Variants in SCG2 observed in about 807,000 individuals in gnomAD.
The protein encoded by SCG2 is secretogranin-2.
Under a neutral mutation model 49.5 loss-of-function variants are expected in SCG2, and 23 were observed. The observed-to-expected ratio is 0.46, with a 90% confidence interval of 0.33 to 0.66. SCG2 has a LOEUF of 0.66. Ranked by LOEUF, SCG2 falls within the 30% of genes least tolerant of loss-of-function variation. SCG2 has a pLI of 0.01. For synonymous variants in SCG2, 288 were observed against 260.4 expected (o/e 1.11, Z -1.02); for missense variants, 730 against 728.2 (o/e 1.00, Z -0.03).
rs754821461 is a variant in SCG2 at position 223,598,710 on chromosome 2, A to G, written c.573T>C (p.Thr191=). ...RTNEIVEEQY[T]PQSLATLESV... is the part of the protein sequence containing the mutation. ...ATTCCAATGTAGCAAGGCTTTGAGG[A>G]GTATATTGTTCCTCCACTATTTCAT... The change falls in exon 2 of 2, where the codon ACT becomes ACC. Residue 191 remains threonine, a synonymous_variant. Coordinates refer to ENST00000305409, the MANE Select transcript of SCG2 (RefSeq NM_003469.5). 10 of 1,613,742 alleles carry G rather than the reference A, an allele frequency of 6.2e-6. No homozygotes were observed. The highest frequency in any genetic ancestry group is 8.5e-6 in the Non-Finnish European group (10 of 1,180,004).
At position 223,598,883 on chromosome 2, in the gene SCG2, G is replaced by T; in HGVS notation, c.400C>A (p.Pro134Thr). 6.2e-7 allele frequency: 1 copy of T among 1,614,134 alleles called. No homozygotes were observed. Among genetic ancestry groups the T allele is most frequent in the Non-Finnish European group, 8.5e-7 (1 of 1,180,022 alleles). Residue 134 changes from proline to threonine, a missense_variant, in exon 2 of 2, where the codon CCC (proline) becomes ACC (threonine). Coordinates refer to ENST00000305409, the MANE Select transcript of SCG2 (RefSeq NM_003469.5). The stretch of plus-strand genomic sequence containing the variant: ...TTCTTTTCTGAATTCAAGGCATAGG[G>T]CTTATTTTCTTTTGGTGCAGACTGA... ...EPQSAPKENK[P>T]YALNSEKNFP... is the part of the protein sequence containing the mutation.
At position 223,598,897 on chromosome 2, in the gene SCG2, G is replaced by C; in HGVS notation, c.386C>G (p.Pro129Arg). The change falls in exon 2 of 2, where the codon CCA becomes CGA. Residue 129 changes from proline to arginine, a missense_variant. By Grantham distance (103) the Pro-to-Arg change is moderately radical. Coordinates refer to ENST00000305409, the MANE Select transcript of SCG2 (RefSeq NM_003469.5). Reference sequence around the variant, plus strand: ...CAAGGCATAGGGCTTATTTTCTTTTGGTGCAGACTGAGGCTCATTTTCAGC... The same window carrying C: ...CAAGGCATAGGGCTTATTTTCTTTTCGTGCAGACTGAGGCTCATTTTCAGC... ...RQAENEPQSA[P>R]KENKPYALNS... 2 of 1,614,072 alleles carry C rather than the reference G, an allele frequency of 1.2e-6. No individual in the cohort carries two copies. Among genetic ancestry groups the C allele is most frequent in the Non-Finnish European group, 1.7e-6 (2 of 1,180,012 alleles).
In SCG2 at chr2:223,598,982, C is replaced by T. The variant is rs137998511; in HGVS notation, c.301G>A (p.Glu101Lys). The change falls in exon 2 of 2, where the codon GAG becomes AAG. Residue 101 changes from glutamate (E) to lysine (K), a missense_variant. Glu to Lys is a moderately conservative substitution (Grantham distance 56, BLOSUM62 1). Coordinates refer to ENST00000305409, the MANE Select transcript of SCG2 (RefSeq NM_003469.5). ...KENGDESHLP[E>K]RDSLSEEDWM... ...TCTTCTTCACTCAGTGAATCCCTCTCGGGCAAGTGGCTTTCATCGCCATTT... is the reference window on the plus strand; with the variant it reads ...TCTTCTTCACTCAGTGAATCCCTCTTGGGCAAGTGGCTTTCATCGCCATTT... The T allele has an allele frequency of 1.4e-4, 223 of 1,614,174 alleles. No homozygotes were observed. In the African/African-American group the frequency reaches 1.4e-3, roughly 10 times the overall value.
chr2:223,599,368 A>G, intron 1 of SCG2, 72 bp from the exon 2 acceptor site: 1 of 1,280,328 alleles, frequency 7.8e-7, no homozygotes, highest in South Asian at 1.9e-5. Context: ...GAAATAATTG[A>G]TCATTGAGGT....
Position 223,597,849 on chromosome 2 carries a change from A to T in SCG2, c.1434T>A (p.Leu478=), listed in dbSNP as rs1003367778. 1 of 1,614,232 alleles carries T rather than the reference A, an allele frequency of 6.2e-7. No individual in the cohort carries two copies. Among genetic ancestry groups the T allele is most frequent in the African/African-American group, 1.3e-5 (1 of 75,056 alleles). The change falls in exon 2 of 2, where the codon CTT becomes CTA. Residue 478 remains leucine, a synonymous_variant. Transcript: ENST00000305409. ...YGAGRSRSNQ[L]PKAAWIPHVE... Reference sequence around the variant, plus strand: ...CATGTGGAATCCAGGCAGCTTTGGGAAGCTGGTTCGATCTAGATCTTCCAG... The same window carrying T: ...CATGTGGAATCCAGGCAGCTTTGGGTAGCTGGTTCGATCTAGATCTTCCAG...
At position 223,598,006 on chromosome 2, in the gene SCG2, GCCTCAGTCC is replaced by G; in HGVS notation, c.1268_1276del (p.Gly423_Glu425del). 1 of 1,613,792 alleles carries G rather than the reference GCCTCAGTCC, an allele frequency of 6.2e-7. No individual in the cohort carries two copies. The highest frequency in any genetic ancestry group is 8.5e-7 in the Non-Finnish European group (1 of 1,179,864). On this transcript the variant is annotated inframe_deletion, in exon 2 of 2. Transcript: ENST00000305409. ...CTCAACACTGAGCCCGTCTGGTAGGGCCTCAGTCCCAGCACGACCAGGTGTTTTAGGGTA... is the reference window on the plus strand; with the variant it reads ...CTCAACACTGAGCCCGTCTGGTAGGGCAGCACGACCAGGTGTTTTAGGGTA...
At position 223,598,509 on chromosome 2, in the gene SCG2, C is replaced by G. The variant is rs529796847; in HGVS notation, c.774G>C (p.Glu258Asp). 1.2e-6 allele frequency: 2 copies of G among 1,613,986 alleles called. No homozygotes were observed. The highest frequency in any genetic ancestry group is 2.2e-5 in the East Asian group (1 of 44,872). ...EDWNPVEEKI[E>D]SQTQEEVRDS... is the part of the protein sequence containing the mutation. ...CTCTCACCTCTTCCTGGGTTTGACT[C>G]TCTATTTTCTCCTCTACTGGGTTCC... Residue 258 changes from glutamate (E) to aspartate (D), a missense_variant, in exon 2 of 2, where the codon GAG becomes GAC. Transcript: ENST00000305409.
intron 1 of SCG2, among the ~76,000 whole-genome samples, chr2:223,601,814 C>T (rs1343841650): frequency 6.6e-6 from 1 of 152,086 alleles, no homozygotes; most frequent in East Asian, 1.9e-4. Context: ...AGAAAAAAAA[C>T]CTAGTTCCAA....
rs956505646 is a variant in SCG2, at chr2:223,598,201, G to A, written c.1082C>T (p.Pro361Leu). 6.2e-7 allele frequency: 1 copy of A among 1,613,988 alleles called. No individual in the cohort carries two copies. Among genetic ancestry groups the A allele is most frequent in the African/African-American group, 1.3e-5 (1 of 74,904 alleles). Reference protein sequence around the residue: ...LIEISRNLQIPPEDLIEMLKT... With the variant: ...LIEISRNLQILPEDLIEMLKT... ...GAGCATCTCAATTAAGTCTTCTGGGGGTATCTGTAAATTCCTTGAGATTTC... is the reference window on the plus strand; with the variant it reads ...GAGCATCTCAATTAAGTCTTCTGGGAGTATCTGTAAATTCCTTGAGATTTC... The change falls in exon 2 of 2, where the codon CCC becomes CTC. Residue 361 changes from proline to leucine, a missense_variant. Pro to Leu is a moderately conservative substitution (Grantham distance 98). Coordinates refer to ENST00000305409, the MANE Select transcript of SCG2 (RefSeq NM_003469.5).
intron 1 of SCG2, among the ~76,000 whole-genome samples, chr2:223,599,665 T>C (rs960560522): frequency 4.6e-5 from 7 of 152,230 alleles, no homozygotes; most frequent in African/African-American, 1.7e-4. Context: ...CCAAGATGTT[T>C]TAATTATTTT....
rs572242890 is a variant in SCG2, at chr2:223,597,443, T to C, written c.1840A>G (p.Met614Val). 1.3e-6 allele frequency: 2 copies of C among 1,597,546 alleles called. No homozygotes were observed. Among genetic ancestry groups the C allele is most frequent in the Non-Finnish European group, 1.7e-6 (2 of 1,171,630 alleles). The change falls in exon 2 of 2, where the codon ATG becomes GTG. Residue 614 changes from methionine to valine, a missense_variant. Coordinates refer to ENST00000305409, the MANE Select transcript of SCG2 (RefSeq NM_003469.5). ...KGREHIAKRA[M>V]ENM ...ATGAAAGCAGCTTACATATTTTCCA[T>C]TGCTCTCTTAGCAATATGCTCCCTT... is the stretch of plus-strand genomic sequence containing the variant.
intron 1 of SCG2, among the ~76,000 whole-genome samples, chr2:223,601,283 T>A (rs944987142): frequency 3.9e-5 from 6 of 152,224 alleles, no homozygotes; most frequent in Non-Finnish European, 7.3e-5. Flanking sequence ...CTATTCTATA[T>A]GGGGTTTGAT....
intron 1 of SCG2, among the ~76,000 whole-genome samples, chr2:223,599,901 G>A (rs1307219462): frequency 6.6e-6 from 1 of 152,098 alleles, no homozygotes. Context: ...CTTCTGGGGA[G>A]TCCTATCCAG....
Position 223,597,737 on chromosome 2 carries a change from G to A in SCG2, c.1546C>T (p.Pro516Ser). 1 of 1,614,012 alleles carries A rather than the reference G, an allele frequency of 6.2e-7. No individual in the cohort carries two copies. The highest frequency in any genetic ancestry group is 8.5e-7 in the Non-Finnish European group (1 of 1,180,008). ...EYLARMLVKY[P>S]EIINSNQVKR... ...ACTTGGTTTGAATTAATGATCTCAG[G>A]GTATTTAACTAGCATCCTGGCCAAG... is the stretch of plus-strand genomic sequence containing the variant. The change falls in exon 2 of 2, where the codon CCT becomes TCT. Residue 516 changes from proline (P) to serine (S), a missense_variant. Pro to Ser is a moderately conservative substitution (Grantham distance 74). Coordinates refer to ENST00000305409, the MANE Select transcript of SCG2 (RefSeq NM_003469.5).
In SCG2 at chr2:223,597,802, T is replaced by C. The variant is rs1002207653; in HGVS notation, c.1481A>G (p.Tyr494Cys). ...TTGATCCTTGTCGTTCAGGTTTTCA[T>C]ATGCCATCTGTCTGTTTTCAACATG... ...IPHVENRQMA[Y>C]ENLNDKDQEL... The change falls in exon 2 of 2, where the codon TAT becomes TGT. Residue 494 changes from tyrosine (Y) to cysteine (C), a missense_variant. Transcript: ENST00000305409. 2 of 1,614,206 alleles carry C rather than the reference T, an allele frequency of 1.2e-6. No individual in the cohort carries two copies. Among genetic ancestry groups the C allele is most frequent in the South Asian group, 1.1e-5 (1 of 91,082 alleles).
At position 223,602,333 on chromosome 2, in the gene SCG2, T is replaced by A. The variant is rs1467899637; in HGVS notation, c.-63A>T. Reference sequence around the variant, plus strand: ...GAGCTCCACAGCATATTCCTCCCCGTTCTCCGGGCGAGCTTCTCGGGCCGT... The same window carrying A: ...GAGCTCCACAGCATATTCCTCCCCGATCTCCGGGCGAGCTTCTCGGGCCGT... On this transcript the variant is annotated 5_prime_UTR_variant, in exon 1 of 2. Transcript: ENST00000305409. The A allele has an allele frequency of 6.6e-6, 1 of 152,020 alleles. No homozygotes were observed. Among genetic ancestry groups the A allele is most frequent in the African/African-American group, 2.4e-5 (1 of 41,434 alleles). The allele number at this position is 152,020 out of a possible 1,614,324, so 9.4% of individuals were successfully genotyped here.
rs1691323974 is a variant in SCG2 at position 223,597,888 on chromosome 2, C to T, written c.1395G>A (p.Arg465=). Residue 465 remains arginine (R), a synonymous_variant, in exon 2 of 2, where the codon AGG becomes AGA. Transcript: ENST00000305409. ...NPYNQEKVLP[R]LPYGAGRSRS... ...TAGATCTTCCAGCACCATAAGGGAG[C>T]CTTGGCAGAACTTTCTCCTGGTTAT... The T allele has an allele frequency of 1.9e-6, 3 of 1,614,090 alleles. No homozygotes were observed. The highest frequency in any genetic ancestry group is 2.5e-6 in the Non-Finnish European group (3 of 1,180,028).
At position 223,597,849 on chromosome 2, in the gene SCG2, A is replaced by C; in HGVS notation, c.1434T>G (p.Leu478=). The stretch of plus-strand genomic sequence containing the variant: ...CATGTGGAATCCAGGCAGCTTTGGG[A>C]AGCTGGTTCGATCTAGATCTTCCAG... ...YGAGRSRSNQ[L]PKAAWIPHVE... is the part of the protein sequence containing the mutation. Residue 478 remains leucine (L), a synonymous_variant, in exon 2 of 2, where the codon CTT becomes CTG. Transcript: ENST00000305409. 6.2e-7 allele frequency: 1 copy of C among 1,614,232 alleles called. No individual in the cohort carries two copies. Among genetic ancestry groups the C allele is most frequent in the Non-Finnish European group, 8.5e-7 (1 of 1,180,050 alleles).
chr2:223,598,962 T>C lies in SCG2; in HGVS notation c.321A>G (p.Glu107=), dbSNP rs761790171. Residue 107 remains glutamate, a synonymous_variant, in exon 2 of 2, where the codon GAA becomes GAG. Transcript: ENST00000305409. ...SHLPERDSLS[E]EDWMRIILEA... is the part of the protein sequence containing the mutation. ...CGAGTATTATTCTCATCCAGTCTTC[T>C]TCACTCAGTGAATCCCTCTCGGGCA... The C allele has an allele frequency of 2.5e-5, 41 of 1,614,112 alleles. No homozygotes were observed. The highest frequency in any genetic ancestry group is 3.3e-5 in the Non-Finnish European group (39 of 1,180,044).
Sources: allele counts gnomAD v4.1 joint callset (sites outside exome capture counted in the v4.1 genomes callset), GRCh38; gene constraint gnomAD v4.1.1; transcripts MANE v1.5; gene names NCBI Gene and HGNC (gene_info 2026-07-23, HGNC 2026-07-21).